POLR3G: variants seen among roughly 807,000 people sequenced by gnomAD.
The protein encoded by POLR3G is RNA polymerase III subunit G.
POLR3G carries 28 observed loss-of-function variants against 30.1 expected under a neutral mutation model. The ratio of observed to expected loss-of-function variants is 0.93; its 90% CI spans 0.69 to 1.27. The LOEUF is 1.27. POLR3G is among the 50% of genes most tolerant of loss of function. The pLI is 0.00. For synonymous variants in POLR3G, 79 were observed against 82.5 expected (o/e 0.96, Z 0.23); for missense variants, 254 against 264.6 (o/e 0.96, Z 0.28).
chr5:90,497,633 T>C lies in POLR3G; in HGVS notation c.305-23T>C, dbSNP rs762703780. 3.5e-5 allele frequency: 55 copies of C among 1,575,722 alleles called. No individual in the cohort carries two copies. The South Asian group carries it at 6.4e-4, about 18-fold the overall frequency. On this transcript the variant is annotated intron_variant, in intron 4 of 7. Transcript: ENST00000651687. ...AAATTCCTAGAGGAAACTGCAATTT[T>C]TTATTTTTTATTTTATGTACAGATT...
At chr5:90,502,690 TTTTTC>T (rs1346740443) in intron 6 of POLR3G, among the ~76,000 whole-genome samples, 2 of 152,100 alleles carry the variant, frequency 1.3e-5, no homozygotes, top group African/African-American at 4.8e-5. Flanking sequence ...ACGAGGTTTC[TTTTTC>T]TTTTTAAAGA....
At chr5:90,492,300 C>T (rs1751763521) in intron 3 of POLR3G, among the ~76,000 whole-genome samples, 1 of 152,146 alleles carries the variant, frequency 6.6e-6, no homozygotes, top group Non-Finnish European at 1.5e-5. Flanking sequence ...AAAAAGAACT[C>T]ATCATGTAAT....
intron 1 of POLR3G, among the ~76,000 whole-genome samples, chr5:90,478,561 G>T (rs1750954216): frequency 2.5e-5 from 1 of 40,772 alleles, no homozygotes; most frequent in Non-Finnish European, 5.5e-5. Context: ...GGTTTAATCT[G>T]CGTGGTTCTT....
At chr5:90,484,891 G>C (rs1751356492) in intron 1 of POLR3G, among the ~76,000 whole-genome samples, 1 of 152,194 alleles carries the variant, frequency 6.6e-6, no homozygotes, top group African/African-American at 2.4e-5. Flanking sequence ...AGTTCTCATA[G>C]TATAATCAGA....
chr5:90,492,577 T>C (rs1751777200), intron 3 of POLR3G, among the ~76,000 whole-genome samples: 1 of 152,100 alleles, frequency 6.6e-6, no homozygotes, highest in Non-Finnish European at 1.5e-5. Context: ...GGCCATCCTC[T>C]CTTCAATAGA....
At chr5:90,500,524 T>C (rs1274134181) in intron 5 of POLR3G, among the ~76,000 whole-genome samples, 1 of 152,202 alleles carries the variant, frequency 6.6e-6, no homozygotes, top group East Asian at 1.9e-4. Context: ...AATATTATAA[T>C]AATTTATTGA....
At chr5:90,490,323 T>C (rs1401861798) in intron 3 of POLR3G, among the ~76,000 whole-genome samples, 1 of 151,042 alleles carries the variant, frequency 6.6e-6, no homozygotes, top group African/African-American at 2.4e-5. Flanking sequence ...AACTCTTGTA[T>C]AGAAATTTCC....
chr5:90,485,820 C>A (rs1751412389), intron 2 of POLR3G, 136 bp downstream of exon 2: 2 of 577,470 alleles, frequency 3.5e-6, no homozygotes, highest in African/African-American at 1.9e-5. Flanking sequence ...GTTTCACTTA[C>A]CTTTAAATAT....
At chr5:90,479,808 A>G (rs1450100373) in intron 1 of POLR3G, among the ~76,000 whole-genome samples, 1 of 152,162 alleles carries the variant, frequency 6.6e-6, no homozygotes, top group African/African-American at 2.4e-5. Flanking sequence ...ATAGGGTGCA[A>G]CCATCTTAAA....
At chr5:90,482,913 G>A (rs1408344508) in intron 1 of POLR3G, among the ~76,000 whole-genome samples, 1 of 152,106 alleles carries the variant, frequency 6.6e-6, no homozygotes, top group South Asian at 2.1e-4. Flanking sequence ...GGCCAAGGCG[G>A]GTGGATCACC....
chr5:90,473,968 C>A, upstream of POLR3G: 1 of 1,600,112 alleles, frequency 6.2e-7, no homozygotes. Flanking sequence ...TCCCCGCGAG[C>A]CAGCGCCTCG....
upstream of POLR3G, chr5:90,474,421 C>A: frequency 1.2e-6 from 1 of 835,682 alleles, no homozygotes; most frequent in Non-Finnish European, 1.9e-6. Context: ...TAGAGCGAGG[C>A]GGGGGCGTGG....
At chr5:90,474,358 CA>C, upstream of POLR3G, 1 of 1,433,238 alleles carries the variant, frequency 7.0e-7, no homozygotes, top group South Asian at 1.2e-5. Flanking sequence ...GCTGTCCACA[CA>C]CAGGGCACTG....
At chr5:90,482,558 A>G (rs1751196467) in intron 1 of POLR3G, among the ~76,000 whole-genome samples, 1 of 152,204 alleles carries the variant, frequency 6.6e-6, no homozygotes, top group East Asian at 1.9e-4. Context: ...GAAATTATTC[A>G]CAAGATTAGA....
Position 90,497,728 on chromosome 5 carries a change from T to A in POLR3G, c.355+22T>A, listed in dbSNP as rs758761685. The A allele has an allele frequency of 2.5e-5, 40 of 1,588,858 alleles. No individual in the cohort carries two copies. In the Admixed American group the frequency reaches 7.3e-4, roughly 29 times the overall value. ...AAAGGTACATTGACTAATATAATAG[T>A]AATTCAGGTAGGAAAAGGTTATTTC... On this transcript the variant is annotated intron_variant, in intron 5 of 7. Transcript: ENST00000651687.
At chr5:90,493,832 C>A (rs532947663) in intron 3 of POLR3G, among the ~76,000 whole-genome samples, 1 of 151,266 alleles carries the variant, frequency 6.6e-6, no homozygotes, top group Non-Finnish European at 1.5e-5. Context: ...CGCAGTCTCC[C>A]AAGTAGCTGG....
At position 90,513,018 on chromosome 5, in the gene POLR3G, T is replaced by C. The variant is rs1752808165; in HGVS notation, c.*879T>C. 2.0e-5 allele frequency: 3 copies of C among 152,078 alleles called. No homozygotes were observed. Among genetic ancestry groups the C allele is most frequent in the South Asian group, 2.1e-4 (1 of 4,830 alleles). The allele number at this position is 152,078 out of a possible 1,614,324, so 9.4% of individuals were successfully genotyped here. ...TGTTTCAGAGTACTCAAGTGTACAA[T>C]TGATTTATATAAAAATGCAAAATGA... On this transcript the variant is annotated 3_prime_UTR_variant, in exon 8 of 8. Transcript: ENST00000651687.
At chr5:90,489,219 A>C (rs907430058) in intron 3 of POLR3G, among the ~76,000 whole-genome samples, 2 of 152,030 alleles carry the variant, frequency 1.3e-5, no homozygotes, top group Non-Finnish European at 2.9e-5. Context: ...TAAGTTATAT[A>C]ATGGTTTGAT....
At chr5:90,476,066 G>T (rs907586884) in intron 1 of POLR3G, among the ~76,000 whole-genome samples, 17 of 152,138 alleles carry the variant, frequency 1.1e-4, no homozygotes, top group African/African-American at 4.1e-4. Flanking sequence ...AACCTCTTAA[G>T]TTAGTCAGGA....
Sources: gnomAD v4.1 joint callset for allele counts (sites outside exome capture counted in the v4.1 genomes callset) on GRCh38, gnomAD v4.1.1 for gene constraint, MANE v1.5 for transcripts, NCBI Gene and HGNC (gene_info 2026-07-23, HGNC 2026-07-21) for gene names.